Variants in FOXK1 observed in about 807,000 individuals in gnomAD.
The protein encoded by FOXK1 is forkhead box protein K1.
In FOXK1, 19 loss-of-function variants were observed where a neutral mutation model predicts 51.9. That is an observed-to-expected ratio of 0.37 (90% CI 0.26 to 0.54). FOXK1 has a LOEUF of 0.54. Among genes scored for constraint, FOXK1 ranks in the 20% least tolerant of loss-of-function variants. FOXK1 has a pLI of 0.87. For synonymous variants in FOXK1, 537 were observed against 482.6 expected (o/e 1.11, Z -1.48); for missense variants, 870 against 1,032.7 (o/e 0.84, Z 2.16).
In FOXK1 at chr7:4,756,004, G is replaced by A. The variant is rs138283817; in HGVS notation, c.1050+621G>A. On this transcript the variant is annotated intron_variant, in intron 4 of 8. Coordinates refer to ENST00000328914, the MANE Select transcript of FOXK1 (RefSeq NM_001037165.2). This position sits in a 1 kb window ranked among gnomAD's most constrained non-coding sequence, Gnocchi z 4.1. ...TTCAAACAATCCACATGTCTGAATTGTGGATGGCATTTTAAGAGCTTTGTC... is the reference window on the plus strand; with the variant it reads ...TTCAAACAATCCACATGTCTGAATTATGGATGGCATTTTAAGAGCTTTGTC... Among the ~76,000 whole-genome samples the A allele has an allele frequency of 8.2e-4, 125 of 152,338 alleles. 1 individual carries two copies. Among genetic ancestry groups the A allele is most frequent in the African/African-American group, 2.9e-3 (120 of 41,578 alleles).
At position 4,767,442 on chromosome 7, in the gene FOXK1, ACAG is replaced by A. The variant is rs1313879878; in HGVS notation, c.*4980_*4982del. 1.3e-5 allele frequency: 2 copies of A among 152,204 alleles called. No individual in the cohort carries two copies. Among genetic ancestry groups the A allele is most frequent in the African/African-American group, 4.8e-5 (2 of 41,456 alleles). 9.4% of individuals were successfully genotyped at this position (152,204 alleles called of 1,614,324 possible). A position where few individuals can be genotyped will look rare whatever the true frequency, so the allele number is the denominator to read the frequency against. The stretch of plus-strand genomic sequence containing the variant: ...ACTCCTGATGAAAACGTGTTTACCC[ACAG>A]CCTCGCCTCGAGCCTCCTTGACAAT... On this transcript the variant is annotated 3_prime_UTR_variant, in exon 9 of 9. Transcript: ENST00000328914. The surrounding 1 kb of genome is among the most constrained non-coding windows in gnomAD (Gnocchi z 6.6).
In FOXK1 at chr7:4,722,624, C is replaced by G. The variant is rs941638956; in HGVS notation, c.561-18214C>G. On this transcript the variant is annotated intron_variant, in intron 1 of 8. Transcript: ENST00000328914. The surrounding 1 kb of genome is among the most constrained non-coding windows in gnomAD (Gnocchi z 5.1). The stretch of plus-strand genomic sequence containing the variant: ...CATGCACGTCAGCCGCACACTCATG[C>G]ACGTTCATGTGCTGTCTCTAGTGTT... 2.0e-5 allele frequency among the ~76,000 whole-genome samples: 3 copies of G among 152,242 alleles called. No homozygotes were observed. The highest frequency in any genetic ancestry group is 4.4e-5 in the Non-Finnish European group (3 of 68,040).
chr7:4,725,424 C>T (rs999536871), intron 1 of FOXK1, among the ~76,000 whole-genome samples: 2 of 152,196 alleles, frequency 1.3e-5, no homozygotes, highest in African/African-American at 4.8e-5. Flanking sequence ...TGAAACCGGG[C>T]TTAGTTGTTG....
At position 4,721,991 on chromosome 7, in the gene FOXK1, G is replaced by C. The variant is rs144414902; in HGVS notation, c.561-18847G>C. Among the ~76,000 whole-genome samples, 54 of 152,348 alleles carry C rather than the reference G, an allele frequency of 3.5e-4. 3 individuals carry two copies. In the East Asian group the frequency reaches 0.01, roughly 29 times the overall value. On this transcript the variant is annotated intron_variant, in intron 1 of 8. Transcript: ENST00000328914. ...AGGAGTAACGGGGACGCGCACAGCC[G>C]TGTTACTTTCTCCCAAAGGAGGCAG...
chr7:4,762,223 G>T lies in FOXK1; in HGVS notation c.1961G>T (p.Ser654Ile). 1 of 1,555,346 alleles carries T rather than the reference G, an allele frequency of 6.4e-7. No homozygotes were observed. Among genetic ancestry groups the T allele is most frequent in the Non-Finnish European group, 8.7e-7 (1 of 1,148,810 alleles). The change falls in exon 9 of 9, where the codon AGT becomes ATT. Residue 654 changes from serine (S) to isoleucine (I), a missense_variant. Ser to Ile is a moderately radical substitution (Grantham distance 142). This residue lies in a region of FOXK1 where 457 missense variants were observed against 510.8 expected (regional missense o/e 0.89). Transcript: ENST00000328914. The surrounding 1 kb of genome is among the most constrained non-coding windows in gnomAD (Gnocchi z 5.7). ...SPLQLLATQA[S>I]SSAPVVVTRV... ...TTGCAGCTCCTTGCGACCCAAGCGAGTTCATCCGCGCCGGTGGTGGTCACC... is the reference window on the plus strand; with the variant it reads ...TTGCAGCTCCTTGCGACCCAAGCGATTTCATCCGCGCCGGTGGTGGTCACC...
At chr7:4,690,225 T>C (rs1260199824) in intron 1 of FOXK1, among the ~76,000 whole-genome samples, 1 of 151,920 alleles carries the variant, frequency 6.6e-6, no homozygotes, top group Non-Finnish European at 1.5e-5. Context: ...GGTGATGGTT[T>C]TGAACCGGAG....
Position 4,735,508 on chromosome 7 carries a change from C to G in FOXK1, c.561-5330C>G, listed in dbSNP as rs1412760366. Among the ~76,000 whole-genome samples the G allele has an allele frequency of 1.3e-5, 2 of 152,162 alleles. No homozygotes were observed. Among genetic ancestry groups the G allele is most frequent in the Non-Finnish European group, 2.9e-5 (2 of 68,028 alleles). On this transcript the variant is annotated intron_variant, in intron 1 of 8. Transcript: ENST00000328914. The surrounding 1 kb of genome is among the most constrained non-coding windows in gnomAD (Gnocchi z 4.7). ...CCCTAGCTCTTAGTCATTCTCCGTC[C>G]CCCCTGCCTGTCCCACCCGTCACTC... is the stretch of plus-strand genomic sequence containing the variant.
intron 1 of FOXK1, among the ~76,000 whole-genome samples, chr7:4,705,377 T>G (rs1469057462): frequency 3.3e-5 from 5 of 151,790 alleles, no homozygotes; most frequent in Non-Finnish European, 5.9e-5. Flanking sequence ...AGACAGGGTC[T>G]TGGTATGTTG....
intron 1 of FOXK1, among the ~76,000 whole-genome samples, chr7:4,690,775 T>C (rs903818173): frequency 3.3e-5 from 5 of 152,228 alleles, no homozygotes; most frequent in African/African-American, 1.2e-4. Context: ...GAAATGAGAC[T>C]AAAGCATTTG....
chr7:4,757,634 C>CAAAAAAAAAAAAAAA (rs59200954), intron 5 of FOXK1, among the ~76,000 whole-genome samples: 3 of 20,196 alleles, frequency 1.5e-4, no homozygotes, highest in African/African-American at 1.8e-4. Flanking sequence ...AACTCCGTCT[C>CAAAAAAAAAAAAAAA]AAAAAAAAAA....
rs959946331 is a variant in FOXK1, at chr7:4,756,517, A to G, written c.1051-477A>G. 7.9e-5 allele frequency among the ~76,000 whole-genome samples: 12 copies of G among 151,260 alleles called. No homozygotes were observed. Among genetic ancestry groups the G allele is most frequent in the African/African-American group, 2.9e-4 (12 of 41,220 alleles). The stretch of plus-strand genomic sequence containing the variant: ...AATGGTAATGGCAGCCAGGCACAGT[A>G]GCTCATGCCTGTAATCCCAGCACTT... On this transcript the variant is annotated intron_variant, in intron 4 of 8. Coordinates refer to ENST00000328914, the MANE Select transcript of FOXK1 (RefSeq NM_001037165.2). This position sits in a 1 kb window ranked among gnomAD's most constrained non-coding sequence, Gnocchi z 4.1.
intron 1 of FOXK1, among the ~76,000 whole-genome samples, chr7:4,695,816 A>T (rs1013254091): frequency 6.6e-6 from 1 of 152,116 alleles, no homozygotes; most frequent in Non-Finnish European, 1.5e-5. Flanking sequence ...CATGCCTGTA[A>T]TCCCAGCTAC....
At chr7:4,699,194 C>T (rs1383356170) in intron 1 of FOXK1, among the ~76,000 whole-genome samples, 2 of 152,060 alleles carry the variant, frequency 1.3e-5, no homozygotes, top group Non-Finnish European at 2.9e-5. Context: ...TGGCTCTCCA[C>T]ATACATTTGT....
At chr7:4,720,117 T>C (rs900589833) in intron 1 of FOXK1, among the ~76,000 whole-genome samples, 1 of 152,214 alleles carries the variant, frequency 6.6e-6, no homozygotes, top group Non-Finnish European at 1.5e-5. Flanking sequence ...TTTGAATAGT[T>C]TTTCCCTCAT....
chr7:4,705,982 A>G (rs1780089358), intron 1 of FOXK1, among the ~76,000 whole-genome samples: 1 of 98,530 alleles, frequency 1.0e-5, no homozygotes, highest in South Asian at 2.6e-4. Context: ...ACGTATATAT[A>G]CGTATATATA....
In FOXK1 at chr7:4,761,552, A is replaced by C. The variant is rs778173919; in HGVS notation, c.1921+264A>C. The stretch of plus-strand genomic sequence containing the variant: ...AGACCAGCCCGGGCAACATAGCAAG[A>C]CCCCATCTCTACATAAGATTCAAAA... On this transcript the variant is annotated intron_variant, in intron 8 of 8. Coordinates refer to ENST00000328914, the MANE Select transcript of FOXK1 (RefSeq NM_001037165.2). The surrounding 1 kb of genome is among the most constrained non-coding windows in gnomAD (Gnocchi z 6.2). Among the ~76,000 whole-genome samples the C allele has an allele frequency of 6.6e-6, 1 of 151,964 alleles. No homozygotes were observed. Among genetic ancestry groups the C allele is most frequent in the Non-Finnish European group, 1.5e-5 (1 of 68,006 alleles).
In FOXK1 at chr7:4,723,258, G is replaced by C. The variant is rs145193989; in HGVS notation, c.561-17580G>C. 0.015 allele frequency among the ~76,000 whole-genome samples: 2,214 copies of C among 152,124 alleles called. 30 individuals carry two copies. The highest frequency in any genetic ancestry group is 0.024 in the Middle Eastern group (7 of 294). On this transcript the variant is annotated intron_variant, in intron 1 of 8. Coordinates refer to ENST00000328914, the MANE Select transcript of FOXK1 (RefSeq NM_001037165.2). The surrounding 1 kb of genome is among the most constrained non-coding windows in gnomAD (Gnocchi z 4.7). Reference sequence around the variant, plus strand: ...CCCCGGCTCAGCACCGAGCAAGTGGGCCTGGACCCTGAAGGATGTGGCTGC... The same window carrying C: ...CCCCGGCTCAGCACCGAGCAAGTGGCCCTGGACCCTGAAGGATGTGGCTGC...
Position 4,761,531 on chromosome 7 carries a change from C to G in FOXK1, c.1921+243C>G, listed in dbSNP as rs944227303. Among the ~76,000 whole-genome samples the G allele has an allele frequency of 6.6e-6, 1 of 152,120 alleles. No individual in the cohort carries two copies. Among genetic ancestry groups the G allele is most frequent in the East Asian group, 1.9e-4 (1 of 5,190 alleles). On this transcript the variant is annotated intron_variant, in intron 8 of 8. Coordinates refer to ENST00000328914, the MANE Select transcript of FOXK1 (RefSeq NM_001037165.2). This position sits in a 1 kb window ranked among gnomAD's most constrained non-coding sequence, Gnocchi z 6.2. ...TCGCTTGAGCTCAGGAGTTCGAGAC[C>G]AGCCCGGGCAACATAGCAAGACCCC...
chr7:4,744,114 G>A (rs1298872875), intron 2 of FOXK1, among the ~76,000 whole-genome samples: 2 of 152,208 alleles, frequency 1.3e-5, no homozygotes, highest in East Asian at 1.9e-4. Context: ...GGTTTGCTCC[G>A]GGAGGGGGCT....
Sources: allele counts gnomAD v4.1 joint callset (sites outside exome capture counted in the v4.1 genomes callset), GRCh38; gene constraint gnomAD v4.1.1; regional missense constraint gnomAD v4.1.1; non-coding constraint Gnocchi (gnomAD v3.1); transcripts MANE v1.5; gene names NCBI Gene and HGNC (gene_info 2026-07-23, HGNC 2026-07-21).